Variants in STPG2 observed in about 807,000 individuals in gnomAD.
STPG2 encodes the protein sperm tail PG-rich repeat containing 2.
STPG2 carries 56 observed loss-of-function variants against 54.2 expected under a neutral mutation model. That is an observed-to-expected ratio of 1.03 (90% CI 0.83 to 1.29). STPG2 has a LOEUF of 1.29. Among genes scored for constraint, STPG2 ranks in the 50% most tolerant of loss-of-function variants. The pLI, the probability that STPG2 is intolerant of heterozygous loss-of-function variation, is 0.00. For missense variants in STPG2, 596 were observed against 544.9 expected, an observed-to-expected ratio of 1.09 and a Z score of -0.93; for synonymous variants, 200 against 181.8, an observed-to-expected ratio of 1.10 and a Z score of -0.81.
chr4:97,902,936 T>C (rs1280508614), intron 8 of STPG2, among the ~76,000 whole-genome samples: 3 of 152,166 alleles, frequency 2.0e-5, no homozygotes, highest in East Asian at 1.9e-4. Flanking sequence ...AAATGTGATA[T>C]ATATATTTAT....
At chr4:97,536,568 T>C (rs1459886280) in intron 4 of STPG2, among the ~76,000 whole-genome samples, 2 of 152,154 alleles carry the variant, frequency 1.3e-5, no homozygotes, top group Admixed American at 1.3e-4. Context: ...AAAAAGACAT[T>C]CAAACATCAC....
chr4:97,447,617 A>T (rs1365109025), intron 4 of STPG2, among the ~76,000 whole-genome samples: 1 of 152,222 alleles, frequency 6.6e-6, no homozygotes, highest in African/African-American at 2.4e-5. Context: ...AGAGGGTGCA[A>T]GCTCCAAGAT....
chr4:97,666,076 C>A (rs973651188), intron 10 of STPG2, among the ~76,000 whole-genome samples: 1 of 152,126 alleles, frequency 6.6e-6, no homozygotes, highest in Non-Finnish European at 1.5e-5. Flanking sequence ...ACCCAGAGGG[C>A]AGGGCCTCTG....
intron 10 of STPG2, among the ~76,000 whole-genome samples, chr4:97,671,227 T>C (rs1202566865): frequency 6.6e-6 from 1 of 152,234 alleles, no homozygotes; most frequent in Non-Finnish European, 1.5e-5. Flanking sequence ...ATAATATTTT[T>C]GTAACATCTC....
intron 8 of STPG2, among the ~76,000 whole-genome samples, chr4:97,873,754 A>G (rs1199590051): frequency 6.6e-6 from 1 of 151,600 alleles, no homozygotes; most frequent in Non-Finnish European, 1.5e-5. Context: ...TGCCCTTACC[A>G]TGTTTGAATT....
At chr4:97,799,785 C>T (rs545534597) in intron 9 of STPG2, among the ~76,000 whole-genome samples, 2 of 152,186 alleles carry the variant, frequency 1.3e-5, no homozygotes, top group Non-Finnish European at 2.9e-5. Flanking sequence ...TGTTTTCCAG[C>T]TTGGTTCCAT....
intron 10 of STPG2, among the ~76,000 whole-genome samples, chr4:97,686,919 A>G (rs1723207497): frequency 1.3e-5 from 2 of 150,610 alleles, no homozygotes; most frequent in African/African-American, 4.9e-5. Context: ...ATTTTATTTT[A>G]CTAATTATTA....
intron 5 of STPG2, among the ~76,000 whole-genome samples, chr4:98,090,744 C>T (rs1738661103): frequency 1.3e-5 from 2 of 151,668 alleles, no homozygotes; most frequent in Non-Finnish European, 3.0e-5. Flanking sequence ...ACTTTCAATC[C>T]TTCTTCTTTA....
chr4:97,585,507 A>G (rs148136879), intron 10 of STPG2, among the ~76,000 whole-genome samples: 42 of 151,920 alleles, frequency 2.8e-4, no homozygotes, highest in Non-Finnish European at 5.0e-4. Flanking sequence ...TTGCCCATCT[A>G]AAAAAAACTA....
At chr4:98,096,475 A>G (rs1255744954) in intron 5 of STPG2, among the ~76,000 whole-genome samples, 1 of 152,122 alleles carries the variant, frequency 6.6e-6, no homozygotes, top group Non-Finnish European at 1.5e-5. Flanking sequence ...CAAAAGCATT[A>G]AGAAGAGGAA....
intron 5 of STPG2, among the ~76,000 whole-genome samples, chr4:98,041,008 G>A (rs911360824): frequency 2.6e-5 from 4 of 151,670 alleles, no homozygotes; most frequent in African/African-American, 7.3e-5. Flanking sequence ...TGTCATCTAC[G>A]ATTTCTTTCA....
At chr4:98,102,580 C>G (rs1035706558) in intron 5 of STPG2, among the ~76,000 whole-genome samples, 1 of 151,972 alleles carries the variant, frequency 6.6e-6, no homozygotes, top group Non-Finnish European at 1.5e-5. Flanking sequence ...TCCCTTTGAT[C>G]ATCTGCTTCT....
At chr4:98,026,901 T>C (rs1427915782) in intron 5 of STPG2, among the ~76,000 whole-genome samples, 2 of 152,220 alleles carry the variant, frequency 1.3e-5, no homozygotes, top group South Asian at 2.1e-4. Flanking sequence ...TTATAAGTAG[T>C]TGACCATTTT....
At chr4:97,964,772 T>C (rs770548685) in intron 7 of STPG2, among the ~76,000 whole-genome samples, 4 of 152,220 alleles carry the variant, frequency 2.6e-5, no homozygotes, top group African/African-American at 4.8e-5. Flanking sequence ...ATCTTAAAAC[T>C]GTACTACACA....
At chr4:97,938,348 T>C (rs1454195199) in intron 8 of STPG2, among the ~76,000 whole-genome samples, 1 of 151,950 alleles carries the variant, frequency 6.6e-6, no homozygotes, top group African/African-American at 2.4e-5. Context: ...CTGTCATCCC[T>C]CCCCTGGGAA....
intron 10 of STPG2, among the ~76,000 whole-genome samples, chr4:97,664,936 T>G (rs1004911500): frequency 6.6e-6 from 1 of 152,044 alleles, no homozygotes; most frequent in Admixed American, 6.5e-5. Flanking sequence ...GTCCAGCCAC[T>G]GCACACAGGC....
At chr4:97,805,008 A>G (rs1414027135) in intron 9 of STPG2, among the ~76,000 whole-genome samples, 1 of 152,168 alleles carries the variant, frequency 6.6e-6, no homozygotes, top group African/African-American at 2.4e-5. Context: ...CAAGGACAAT[A>G]TTACCTAACA....
At chr4:97,776,835 C>T (rs1157009661) in intron 9 of STPG2, among the ~76,000 whole-genome samples, 1 of 152,058 alleles carries the variant, frequency 6.6e-6, no homozygotes, top group Non-Finnish European at 1.5e-5. Flanking sequence ...ATTACTATTG[C>T]CTTCTGTTTT....
chr4:97,550,993 A>T (rs924384129), intron 4 of STPG2, among the ~76,000 whole-genome samples: 1 of 151,016 alleles, frequency 6.6e-6, no homozygotes, highest in Non-Finnish European at 1.5e-5. Flanking sequence ...GGAAAGAACA[A>T]ACCTTCCACA....
Sources: gnomAD v4.1 joint callset for allele counts (sites outside exome capture counted in the v4.1 genomes callset) on GRCh38, gnomAD v4.1.1 for gene constraint, MANE v1.5 for transcripts, NCBI Gene and HGNC (gene_info 2026-07-23, HGNC 2026-07-21) for gene names.